RYR2: variants seen among roughly 807,000 people sequenced by gnomAD.
RYR2 encodes the protein cardiac muscle ryanodine receptor-calcium release channel.
RYR2 carries 227 observed loss-of-function variants against 601.1 expected under a neutral mutation model. The observed-to-expected ratio is 0.38, with a 90% CI of 0.34 to 0.42. The LOEUF (loss-of-function observed/expected upper bound fraction) is 0.42, where lower values mean the gene tolerates loss of function less well. Ranked by LOEUF, RYR2 falls within the 10% of genes least tolerant of loss-of-function variation. The pLI, the probability that RYR2 is intolerant of heterozygous loss-of-function variation, is 1.00. For synonymous variants in RYR2, 2,223 were observed against 2,175.1 expected, an observed-to-expected ratio of 1.02 and a Z score of -0.61; for missense variants, 4,646 against 6,156.5, an observed-to-expected ratio of 0.75 and a Z score of 8.21.
intron 84 of RYR2, among the ~76,000 whole-genome samples, chr1:237,768,895 C>T (rs577118225): frequency 1.3e-5 from 2 of 152,264 alleles, no homozygotes; most frequent in South Asian, 2.1e-4. Flanking sequence ...CTGCGATGTA[C>T]GGTGTGTCCT....
intron 1 of RYR2, among the ~76,000 whole-genome samples, chr1:237,093,493 C>T (rs755882580): frequency 3.6e-4 from 55 of 152,126 alleles, no homozygotes; most frequent in Non-Finnish European, 1.2e-4. Context: ...GCAGGAGCCC[C>T]AGGGGGCTTC....
intron 27 of RYR2, among the ~76,000 whole-genome samples, chr1:237,560,340 T>G (rs920340895): frequency 6.6e-6 from 1 of 152,226 alleles, no homozygotes; most frequent in Admixed American, 6.5e-5. Flanking sequence ...CAAATGTCCT[T>G]GGAGAAACAA....
intron 100 of RYR2, among the ~76,000 whole-genome samples, chr1:237,815,284 A>C (rs1661699615): frequency 6.6e-6 from 1 of 152,142 alleles, no homozygotes; most frequent in Admixed American, 6.5e-5. Context: ...CTATGAAAAG[A>C]AAGGTGGATA....
chr1:237,223,311 C>T (rs1684020140), intron 1 of RYR2, among the ~76,000 whole-genome samples: 1 of 152,196 alleles, frequency 6.6e-6, no homozygotes, highest in Admixed American at 6.5e-5. Flanking sequence ...GGGCAAGAGA[C>T]ATGAAGCCTC....
At chr1:237,557,561 G>GTTT (rs373782971) in intron 27 of RYR2, among the ~76,000 whole-genome samples, 1 of 143,644 alleles carries the variant, frequency 7.0e-6, no homozygotes. Context: ...AGTTGAAACA[G>GTTT]TTTTTTTTTT....
At chr1:237,387,492 AT>A in intron 9 of RYR2, 112 bp downstream of exon 9, 1 of 882,460 alleles carries the variant, frequency 1.1e-6, no homozygotes. Flanking sequence ...CTGTGTCTAA[AT>A]ATTCTGTAAT....
chr1:237,647,670 A>T (rs1396107951), intron 48 of RYR2, among the ~76,000 whole-genome samples: 2 of 152,218 alleles, frequency 1.3e-5, no homozygotes, highest in Non-Finnish European at 2.9e-5. Flanking sequence ...TATCCATATG[A>T]AAATTTCTGT....
At chr1:237,275,804 T>C (rs1481193177) in intron 2 of RYR2, among the ~76,000 whole-genome samples, 2 of 152,042 alleles carry the variant, frequency 1.3e-5, no homozygotes, top group Non-Finnish European at 2.9e-5. Flanking sequence ...AAAGAAAACT[T>C]CAGTAAGTTC....
chr1:237,305,700 G>A (rs1435724823), intron 2 of RYR2, among the ~76,000 whole-genome samples: 1 of 152,156 alleles, frequency 6.6e-6, no homozygotes, highest in Non-Finnish European at 1.5e-5. Flanking sequence ...CCAGAATGCT[G>A]GCATTACAGG....
chr1:237,399,846 A>G (rs1382209506), intron 10 of RYR2, among the ~76,000 whole-genome samples: 1 of 152,056 alleles, frequency 6.6e-6, no homozygotes, highest in African/African-American at 2.4e-5. Context: ...AACAAATGTG[A>G]GTTATTGATT....
At chr1:237,530,198 C>A (rs1196514234) in intron 24 of RYR2, among the ~76,000 whole-genome samples, 1 of 151,792 alleles carries the variant, frequency 6.6e-6, no homozygotes, top group Non-Finnish European at 1.5e-5. Context: ...GTAGTCCTGG[C>A]TACTTGGGAG....
At chr1:237,608,141 G>T (rs1677355579) in intron 35 of RYR2, among the ~76,000 whole-genome samples, 1 of 152,176 alleles carries the variant, frequency 6.6e-6, no homozygotes, top group Non-Finnish European at 1.5e-5. Context: ...GATGTAGAGA[G>T]TGGGAAGAGA....
Position 237,711,840 on chromosome 1 carries a change from A to G in RYR2, c.10323+3A>G. On this transcript the variant is annotated splice_donor_region_variant and intron_variant, in intron 71 of 104. Transcript: ENST00000366574. ...ATACCAAGTCAAAGATGTCAAAGGT[A>G]TTACTATAAACTGTTTCACTGTTCT... is the stretch of plus-strand genomic sequence containing the variant. 1 of 1,280,908 alleles carries G rather than the reference A, an allele frequency of 7.8e-7. No homozygotes were observed. The highest frequency in any genetic ancestry group is 1.1e-6 in the Non-Finnish European group (1 of 879,880). 79.3% of individuals were successfully genotyped at this position (1,280,908 alleles called of 1,614,324 possible).
intron 62 of RYR2, among the ~76,000 whole-genome samples, chr1:237,686,856 G>C (rs1265188049): frequency 1.3e-5 from 2 of 152,152 alleles, no homozygotes; most frequent in Non-Finnish European, 2.9e-5. Flanking sequence ...TTTCCTCTGA[G>C]TGATTATCAG....
chr1:237,408,981 G>A (rs1055192910), intron 10 of RYR2, among the ~76,000 whole-genome samples: 3 of 151,998 alleles, frequency 2.0e-5, no homozygotes, highest in Admixed American at 2.0e-4. Flanking sequence ...GTTCATTGCT[G>A]GTATAGAAGA....
At chr1:237,211,820 T>C (rs1001832170) in intron 1 of RYR2, among the ~76,000 whole-genome samples, 3 of 152,160 alleles carry the variant, frequency 2.0e-5, no homozygotes, top group African/African-American at 7.2e-5. Context: ...TTAATGTCAC[T>C]CCAGACAGCA....
At chr1:237,309,753 A>G (rs899631191) in intron 2 of RYR2, among the ~76,000 whole-genome samples, 1 of 152,186 alleles carries the variant, frequency 6.6e-6, no homozygotes, top group Non-Finnish European at 1.5e-5. Flanking sequence ...GGCAGGCTGC[A>G]GGTCCCGTGC....
At chr1:237,720,326 CAT>C (rs1486139236) in intron 73 of RYR2, among the ~76,000 whole-genome samples, 1 of 152,088 alleles carries the variant, frequency 6.6e-6, no homozygotes, top group Non-Finnish European at 1.5e-5. Flanking sequence ...AGATCCAAAT[CAT>C]ATGATTTTTA....
chr1:237,249,466 A>G (rs1286162067), intron 1 of RYR2, among the ~76,000 whole-genome samples: 2 of 152,338 alleles, frequency 1.3e-5, no homozygotes, highest in South Asian at 4.1e-4. Flanking sequence ...ATGGTACTTC[A>G]TAGTTTACAA....
Sources: gnomAD v4.1 joint callset for allele counts (sites outside exome capture counted in the v4.1 genomes callset) on GRCh38, gnomAD v4.1.1 for gene constraint, MANE v1.5 for transcripts, NCBI Gene and HGNC (gene_info 2026-07-23, HGNC 2026-07-21) for gene names.